SNX8: variants seen among roughly 807,000 people sequenced by gnomAD.
The protein encoded by SNX8 is sorting nexin 8, also known as sorting nexin-8.
In SNX8, 25 loss-of-function variants were observed where a neutral mutation model predicts 51.6. That is an observed-to-expected ratio of 0.48 (90% confidence interval 0.35 to 0.68). The LOEUF is 0.68. Among genes scored for constraint, SNX8 ranks in the 30% least tolerant of loss-of-function variants. The pLI, the probability that SNX8 is intolerant of heterozygous loss-of-function variation, is 0.00. For synonymous variants in SNX8, 324 were observed against 277.0 expected (o/e 1.17, Z -1.68); for missense variants, 695 against 624.0 (o/e 1.11, Z -1.21).
At chr7:2,303,986 A>T (rs6952224) in intron 1 of SNX8, among the ~76,000 whole-genome samples, 62,619 of 149,706 alleles carry the variant, frequency 0.42, 13,446 homozygotes, top group East Asian at 0.6. Context: ...ATAAAAAAAA[A>T]TAAAAACTTA....
At position 2,305,595 on chromosome 7, in the gene SNX8, C is replaced by A. The variant is rs1315376422; in HGVS notation, c.94+8733G>T. On this transcript the variant is annotated intron_variant, in intron 1 of 10. Coordinates refer to ENST00000222990, the MANE Select transcript of SNX8 (RefSeq NM_013321.4). ...GTCATGCTGGTCTCGAACTCCTGAC[C>A]TCAGGTGATCCGCCTGCCTCGGCCT... Among the ~76,000 whole-genome samples the A allele has an allele frequency of 2.0e-5, 3 of 152,140 alleles. 1 individual carries two copies. The East Asian group carries it at 5.8e-4, about 30-fold the overall frequency.
upstream of SNX8, among the ~76,000 whole-genome samples, chr7:2,314,844 T>G (rs776123074): frequency 2.6e-5 from 4 of 152,186 alleles, no homozygotes; most frequent in Non-Finnish European, 5.9e-5. Flanking sequence ...ACTCACCCAC[T>G]CATTCGCTCA....
chr7:2,284,176 C>A (rs181151622), intron 1 of SNX8, among the ~76,000 whole-genome samples: 1 of 152,102 alleles, frequency 6.6e-6, no homozygotes, highest in South Asian at 2.1e-4. Context: ...GTGATCCACC[C>A]GCCTCAGCCT....
rs889234966 is a variant in SNX8 at position 2,278,255 on chromosome 7, G to A, written c.145C>T (p.Pro49Ser). The change falls in exon 2 of 11, where the codon CCA becomes TCA. Residue 49 changes from proline to serine, a missense_variant. Coordinates refer to ENST00000222990, the MANE Select transcript of SNX8 (RefSeq NM_013321.4). ...IEPQAIVQQV[P>S]APSRMQMPQG... Reference sequence around the variant, plus strand: ...GGCATCTGCATTCGACTGGGGGCTGGGACCTGCTGCACGATGGCCTGGGGC... The same window carrying A: ...GGCATCTGCATTCGACTGGGGGCTGAGACCTGCTGCACGATGGCCTGGGGC... 1.2e-6 allele frequency: 2 copies of A among 1,607,518 alleles called. No homozygotes were observed. Among genetic ancestry groups the A allele is most frequent in the South Asian group, 1.1e-5 (1 of 90,660 alleles).
intron 1 of SNX8, among the ~76,000 whole-genome samples, chr7:2,328,560 C>T (rs538303780): frequency 2.0e-5 from 3 of 152,136 alleles, no homozygotes; most frequent in South Asian, 4.1e-4. Flanking sequence ...CGCCTGTAAT[C>T]CCAGCACTTT....
At chr7:2,309,264 G>T (rs1343119894) in intron 1 of SNX8, among the ~76,000 whole-genome samples, 1 of 152,022 alleles carries the variant, frequency 6.6e-6, no homozygotes, top group African/African-American at 2.4e-5. Context: ...GATCACCCCT[G>T]TAATCCCAGC....
At chr7:2,276,160 C>A (rs1404411789) in intron 2 of SNX8, among the ~76,000 whole-genome samples, 2 of 152,196 alleles carry the variant, frequency 1.3e-5, no homozygotes, top group Admixed American at 6.5e-5. Flanking sequence ...CTTAGTAAGA[C>A]TGGACAAAAG....
At chr7:2,327,461 G>A (rs550010182) in intron 1 of SNX8, among the ~76,000 whole-genome samples, 23 of 151,994 alleles carry the variant, frequency 1.5e-4, no homozygotes, top group African/African-American at 5.5e-4. Flanking sequence ...AGGCTGGAGT[G>A]CAGTGGCGCG....
chr7:2,275,089 G>C (rs1184453553), intron 3 of SNX8, 23 bp downstream of exon 3: 1 of 1,532,562 alleles, frequency 6.5e-7, no homozygotes, highest in South Asian at 1.1e-5. Flanking sequence ...TCCGCCCCCG[G>C]TGGGCAGCAC....
chr7:2,280,424 G>T (rs1449831069), intron 1 of SNX8, among the ~76,000 whole-genome samples: 1 of 151,598 alleles, frequency 6.6e-6, no homozygotes, highest in South Asian at 2.1e-4. Flanking sequence ...GGAGGTTGTG[G>T]TGAGCCCAGA....
At chr7:2,268,589 G>A (rs1484203303) in intron 5 of SNX8, among the ~76,000 whole-genome samples, 1 of 144,868 alleles carries the variant, frequency 6.9e-6, no homozygotes, top group African/African-American at 2.6e-5. Flanking sequence ...CCCTGTCCGG[G>A]AGGGAGGTGG....
At chr7:2,326,490 C>G (rs1220521710) in intron 1 of SNX8, among the ~76,000 whole-genome samples, 2 of 151,380 alleles carry the variant, frequency 1.3e-5, no homozygotes, top group Non-Finnish European at 2.9e-5. Flanking sequence ...GCGGTGAAAC[C>G]CCGTCTCTAC....
At chr7:2,256,572 G>A (rs1296531489) in intron 10 of SNX8, among the ~76,000 whole-genome samples, 2 of 152,236 alleles carry the variant, frequency 1.3e-5, no homozygotes, top group Non-Finnish European at 2.9e-5. Context: ...TCAGCCGCAG[G>A]GTGCGGGAGC....
chr7:2,353,109 C>T (rs1390919984), intron 1 of SNX8, among the ~76,000 whole-genome samples: 1 of 152,162 alleles, frequency 6.6e-6, no homozygotes, highest in Admixed American at 6.6e-5. Flanking sequence ...GCCTGGGCAA[C>T]ACAGTGAGAT....
intron 1 of SNX8, among the ~76,000 whole-genome samples, chr7:2,289,919 G>A (rs186979299): frequency 2.6e-5 from 4 of 152,248 alleles, no homozygotes; most frequent in South Asian, 2.1e-4. Flanking sequence ...TAAGGCCAGC[G>A]TGATAGCACA....
At chr7:2,331,904 G>T (rs1299847652) in intron 1 of SNX8, among the ~76,000 whole-genome samples, 1 of 147,650 alleles carries the variant, frequency 6.8e-6, no homozygotes, top group African/African-American at 2.5e-5. Context: ...TTTAAGGACA[G>T]ATTTTAAAAG....
chr7:2,349,025 C>T (rs1175842869), intron 1 of SNX8, among the ~76,000 whole-genome samples: 1 of 142,450 alleles, frequency 7.0e-6, no homozygotes, highest in Non-Finnish European at 1.5e-5. Context: ...TCATGACTTT[C>T]AATTTTTTTT....
chr7:2,346,252 G>GGGCAGC (rs530938452), intron 1 of SNX8, among the ~76,000 whole-genome samples: 121,685 of 151,928 alleles, frequency 0.8, 48,932 homozygotes, highest in African/African-American at 0.85. Flanking sequence ...AGAAGTTTGA[G>GGGCAGC]CTCACATAGT....
intron 5 of SNX8, among the ~76,000 whole-genome samples, chr7:2,268,002 A>C (rs76572511): frequency 1.1e-3 from 127 of 120,622 alleles, no homozygotes; most frequent in Middle Eastern, 5.4e-3. Context: ...TGCCCGGCCG[A>C]GACCCCGTCT....
Sources: gnomAD v4.1 joint callset for allele counts (sites outside exome capture counted in the v4.1 genomes callset) on GRCh38, gnomAD v4.1.1 for gene constraint, MANE v1.5 for transcripts, NCBI Gene and HGNC (gene_info 2026-07-23, HGNC 2026-07-21) for gene names.